Variants in IGFL2 observed in about 807,000 individuals in gnomAD.
IGFL2 encodes insulin growth factor-like family member 2.
A neutral mutation model predicts 13.9 loss-of-function variants in IGFL2; 7 were observed. That is an observed-to-expected ratio of 0.51 (90% CI 0.29 to 0.95). The LOEUF (loss-of-function observed/expected upper bound fraction) is 0.95, where lower values mean the gene tolerates loss of function less well. Among genes scored for constraint, IGFL2 ranks in the 40% least tolerant of loss-of-function variants. IGFL2 has a pLI of 0.08. For missense variants in IGFL2, 138 were observed against 147.8 expected, an observed-to-expected ratio of 0.93 and a Z score of 0.34; for synonymous variants, 55 against 55.8, an observed-to-expected ratio of 0.99 and a Z score of 0.07.
the IGFL2 span, chr19:46,124,110 C>T: frequency 6.2e-7 from 1 of 1,611,332 alleles, no homozygotes; most frequent in Non-Finnish European, 8.5e-7. Flanking sequence ...TGTTCCCACA[C>T]CTGGGTGTCG....
At chr19:46,086,222 G>A in the IGFL2 span, among the ~76,000 whole-genome samples, 1 of 151,826 alleles carries the variant, frequency 6.6e-6, no homozygotes, top group East Asian at 1.9e-4. Flanking sequence ...AGCCCGAATT[G>A]TTTTTCTAAT....
chr19:46,080,542 G>T, the IGFL2 span, among the ~76,000 whole-genome samples: 1 of 152,142 alleles, frequency 6.6e-6, no homozygotes, highest in Non-Finnish European at 1.5e-5. Flanking sequence ...AAGTATTTTG[G>T]TCCTTCTGAC....
chr19:46,158,862 G>A (rs1294486938), intron 1 of IGFL2, among the ~76,000 whole-genome samples: 1 of 152,076 alleles, frequency 6.6e-6, no homozygotes, highest in Non-Finnish European at 1.5e-5. Context: ...CACAAGTTGT[G>A]GCAGCAGGTG....
At chr19:46,165,564 G>A (rs926333874), downstream of IGFL2, among the ~76,000 whole-genome samples, 6 of 152,220 alleles carry the variant, frequency 3.9e-5, no homozygotes, top group East Asian at 7.7e-4. Context: ...CATTTGGTGC[G>A]TGGCCCTGTC....
At chr19:46,165,228 A>T (rs549542571), downstream of IGFL2, among the ~76,000 whole-genome samples, 126 of 152,352 alleles carry the variant, frequency 8.3e-4, 2 homozygotes, top group Middle Eastern at 0.017. Context: ...CCAAGAGGTT[A>T]GGGCGCAGCC....
chr19:46,137,998 C>G, the IGFL2 span, among the ~76,000 whole-genome samples: 1 of 152,204 alleles, frequency 6.6e-6, no homozygotes, highest in Non-Finnish European at 1.5e-5. Flanking sequence ...CATTGCCATG[C>G]AGCTTCTGAA....
At chr19:46,149,842 G>A (rs1020889944) in intron 1 of IGFL2, among the ~76,000 whole-genome samples, 2 of 152,148 alleles carry the variant, frequency 1.3e-5, no homozygotes, top group African/African-American at 4.8e-5. Context: ...ACAAACATAT[G>A]TATACATGTA....
At chr19:46,212,378 C>G in the IGFL2 span, 2 of 152,270 alleles carry the variant, frequency 1.3e-5, no homozygotes, top group African/African-American at 4.8e-5. Flanking sequence ...TGACCACATA[C>G]ATCCCCTGCT....
chr19:46,101,461 A>G, the IGFL2 span, among the ~76,000 whole-genome samples: 1 of 152,134 alleles, frequency 6.6e-6, no homozygotes, highest in Non-Finnish European at 1.5e-5. Flanking sequence ...CCCAGTGAGG[A>G]GGGATGGGTC....
At chr19:46,082,303 T>C in the IGFL2 span, among the ~76,000 whole-genome samples, 1 of 152,158 alleles carries the variant, frequency 6.6e-6, no homozygotes, top group Non-Finnish European at 1.5e-5. Context: ...GGGAGAGAAG[T>C]TTAACTGTCT....
the IGFL2 span, among the ~76,000 whole-genome samples, chr19:46,086,368 A>G: frequency 6.6e-6 from 1 of 152,034 alleles, no homozygotes; most frequent in South Asian, 2.1e-4. Flanking sequence ...TCTGTCTCCC[A>G]GGTTGGAGTG....
the IGFL2 span, chr19:46,213,418 G>C: frequency 6.5e-6 from 1 of 152,872 alleles, no homozygotes; most frequent in African/African-American, 2.4e-5. Flanking sequence ...GGCTGAGATC[G>C]GCTGATCACC....
At chr19:46,152,793 T>C (rs538487206) in intron 1 of IGFL2, among the ~76,000 whole-genome samples, 4 of 152,354 alleles carry the variant, frequency 2.6e-5, no homozygotes, top group East Asian at 1.9e-4. Context: ...TTAAGTATGA[T>C]GTTAGCTATG....
the IGFL2 span, among the ~76,000 whole-genome samples, chr19:46,080,648 C>T: frequency 6.6e-6 from 1 of 152,148 alleles, no homozygotes; most frequent in South Asian, 2.1e-4. Context: ...TTGTGAGTGT[C>T]AAGGGGGTGT....
chr19:46,124,163 G>A, the IGFL2 span: 1,777 of 1,610,022 alleles, frequency 1.1e-3, 130 homozygotes, highest in African/African-American at 0.022. Flanking sequence ...GCGTCTGGGG[G>A]CAGACATTGA....
the IGFL2 span, among the ~76,000 whole-genome samples, chr19:46,211,931 TATGATCGA>T: frequency 2.6e-5 from 4 of 152,146 alleles, no homozygotes; most frequent in Admixed American, 2.6e-4. Context: ...AATAGTATAA[TATGATCGA>T]ATGATAGAAT....
At chr19:46,212,149 C>A in the IGFL2 span, 1 of 152,170 alleles carries the variant, frequency 6.6e-6, no homozygotes, top group Non-Finnish European at 1.5e-5. Flanking sequence ...AAACAACACT[C>A]TACCCCACAG....
chr19:46,106,385 G>T, the IGFL2 span, among the ~76,000 whole-genome samples: 1 of 152,170 alleles, frequency 6.6e-6, no homozygotes, highest in African/African-American at 2.4e-5. Flanking sequence ...ATGAGAAAGG[G>T]CTTGACTGAA....
At chr19:46,120,983 T>C in the IGFL2 span, among the ~76,000 whole-genome samples, 2 of 150,772 alleles carry the variant, frequency 1.3e-5, no homozygotes, top group African/African-American at 4.9e-5. Context: ...AGCCTTAGGT[T>C]TATTTTTAAT....
Sources: gnomAD v4.1 joint callset for allele counts (sites outside exome capture counted in the v4.1 genomes callset) on GRCh38, gnomAD v4.1.1 for gene constraint, MANE v1.5 for transcripts, NCBI Gene and HGNC (gene_info 2026-07-23, HGNC 2026-07-21) for gene names.